OTOF: variants seen among roughly 807,000 people sequenced by gnomAD.
OTOF encodes the protein otoferlin, also known as fer-1-like family member 2.
OTOF carries 218 observed loss-of-function variants against 236.8 expected under a neutral mutation model. That is an observed-to-expected ratio of 0.92 (90% CI 0.82 to 1.03). OTOF has a LOEUF of 1.03. OTOF is among the 50% of genes least tolerant of loss of function. The pLI, the probability that OTOF is intolerant of heterozygous loss-of-function variation, is 0.00. For synonymous variants in OTOF, 1,041 were observed against 1,072.5 expected (o/e 0.97, Z 0.57); for missense variants, 2,590 against 2,694.4 (o/e 0.96, Z 0.86).
Position 26,480,807 on chromosome 2 carries a change from C to T in OTOF, c.1782G>A (p.Glu594=). 1 of 1,612,500 alleles carries T rather than the reference C, an allele frequency of 6.2e-7. No individual in the cohort carries two copies. Among genetic ancestry groups the T allele is most frequent in the Non-Finnish European group, 8.5e-7 (1 of 1,179,868 alleles). Reference sequence around the variant, plus strand: ...TCACCTCCGAGATGGGCGTGGCCTGCTCCACCTGCACCTCTGTGGAGCTGG... The same window carrying T: ...TCACCTCCGAGATGGGCGTGGCCTGTTCCACCTGCACCTCTGTGGAGCTGG... The part of the protein sequence containing the change: ...ELTSSTEVQV[E]QATPISESCA... Residue 594 remains glutamate (E), a synonymous_variant, in exon 15 of 47, where the codon GAG becomes GAA. Coordinates refer to ENST00000272371, the MANE Select transcript of OTOF (RefSeq NM_194248.3).
In OTOF at chr2:26,502,406, T is replaced by C. The variant is rs753405118; in HGVS notation, c.604A>G (p.Met202Val). 4 of 1,613,696 alleles carry C rather than the reference T, an allele frequency of 2.5e-6. No homozygotes were observed. The highest frequency in any genetic ancestry group is 3.3e-5 in the Admixed American group (2 of 59,990). ...QRPDEPAVLE[M>V]EDLDHLAIRL... ...ATGGCCAGATGGTCAAGGTCTTCCA[T>C]CTCCAGCACCGCCGGTTCATCTGGG... Residue 202 changes from methionine (M) to valine (V), a missense_variant, in exon 7 of 47, where the codon ATG becomes GTG. This residue lies in a region of OTOF where 1,379 missense variants were observed against 1,341.6 expected (regional missense o/e 1.03). Transcript: ENST00000272371.
At position 26,464,115 on chromosome 2, in the gene OTOF, G is replaced by A; in HGVS notation, c.4961-9C>T. The A allele has an allele frequency of 6.2e-7, 1 of 1,613,200 alleles. No homozygotes were observed. Among genetic ancestry groups the A allele is most frequent in the East Asian group, 2.2e-5 (1 of 44,884 alleles). ...TGTGGGCTTCCTCTGACCTGTGGGT[G>A]CCGGCGGCTCAGCTGCACACATGGC... is the stretch of plus-strand genomic sequence containing the variant. On this transcript the variant is annotated splice_polypyrimidine_tract_variant and intron_variant, in intron 39 of 46. Transcript: ENST00000272371.
At chr2:26,464,802 T>C in intron 39 of OTOF, 67 bp downstream of exon 39, 1 of 1,480,970 alleles carries the variant, frequency 6.8e-7, no homozygotes, top group East Asian at 2.3e-5. Flanking sequence ...CAGGGAAGTG[T>C]GGGCCCCTCC....
chr2:26,490,740 G>A (rs1665820364), intron 9 of OTOF, among the ~76,000 whole-genome samples: 3 of 152,190 alleles, frequency 2.0e-5, no homozygotes, highest in Admixed American at 6.5e-5. Flanking sequence ...TCCTATGAAT[G>A]TGGAGATATG....
intron 1 of OTOF, among the ~76,000 whole-genome samples, chr2:26,544,410 T>G (rs1478633648): frequency 6.6e-6 from 1 of 152,250 alleles, no homozygotes; most frequent in Non-Finnish European, 1.5e-5. Flanking sequence ...TGTTTTAAAC[T>G]TCATATAAAA....
Position 26,558,682 on chromosome 2 carries a change from C to G in OTOF, c.-111G>C, listed in dbSNP as rs906279602. On this transcript the variant is annotated 5_prime_UTR_variant, in exon 1 of 47. Transcript: ENST00000272371. ...TCTGCCGCTGCCTCCTCCTCCTCCT[C>G]CCGACCCCCCTCCGATGCTGCCCAC... is the stretch of plus-strand genomic sequence containing the variant. The G allele has an allele frequency of 5.5e-6, 5 of 913,130 alleles. No homozygotes were observed. In the African/African-American group the frequency reaches 6.6e-5, roughly 12 times the overall value. The allele number at this position is 913,130 out of a possible 1,614,324, so 56.6% of individuals were successfully genotyped here. A position where few individuals can be genotyped will look rare whatever the true frequency, so the allele number is the denominator to read the frequency against.
Position 26,519,113 on chromosome 2 carries a change from G to A in OTOF, c.228-4C>T, listed in dbSNP as rs1453440712. On this transcript the variant is annotated splice_region_variant and splice_polypyrimidine_tract_variant and intron_variant, in intron 3 of 46. Coordinates refer to ENST00000272371, the MANE Select transcript of OTOF (RefSeq NM_194248.3). ...CATGCGGAAGGTCCCGATGAGCCTG[G>A]GGATGGCAGAGGGGGCACGGTGGTA... 4.4e-6 allele frequency: 7 copies of A among 1,586,726 alleles called. No homozygotes were observed. The highest frequency in any genetic ancestry group is 1.7e-5 in the Admixed American group (1 of 58,394).
At chr2:26,508,592 G>A (rs1200478062) in intron 5 of OTOF, among the ~76,000 whole-genome samples, 3 of 152,234 alleles carry the variant, frequency 2.0e-5, no homozygotes, top group Non-Finnish European at 4.4e-5. Context: ...CCTTTGCAAG[G>A]CTCAAGCAAG....
chr2:26,511,998 C>A (rs1168699648), intron 5 of OTOF, among the ~76,000 whole-genome samples: 1 of 152,196 alleles, frequency 6.6e-6, no homozygotes, highest in Non-Finnish European at 1.5e-5. Flanking sequence ...CCACTGCCCT[C>A]TGGCCCCAGC....
Position 26,457,969 on chromosome 2 carries a change from T to C in OTOF, c.*269A>G, listed in dbSNP as rs955397236. On this transcript the variant is annotated 3_prime_UTR_variant, in exon 47 of 47. Transcript: ENST00000272371. This position sits in a 1 kb window ranked among gnomAD's most constrained non-coding sequence, Gnocchi z 4.4. ...GGCTCCTCAGGCTCCCCAGGGGAGA[T>C]GGGAAAGAGTCCAAGCCACTGAAAG... 3.4e-6 allele frequency: 5 copies of C among 1,466,292 alleles called. No homozygotes were observed. The highest frequency in any genetic ancestry group is 4.7e-6 in the Non-Finnish European group (5 of 1,065,292). 90.8% of individuals were successfully genotyped at this position (1,466,292 alleles called of 1,614,324 possible).
chr2:26,479,876 C>T (rs1254513764), intron 16 of OTOF, among the ~76,000 whole-genome samples: 1 of 152,250 alleles, frequency 6.6e-6, no homozygotes, highest in Non-Finnish European at 1.5e-5. Context: ...AGCCCTGGCC[C>T]AGGCTGTGGC....
In OTOF at chr2:26,475,959, G is replaced by A. The variant is rs1342581566; in HGVS notation, c.2946C>T (p.Asp982=). 1 of 1,612,254 alleles carries A rather than the reference G, an allele frequency of 6.2e-7. No homozygotes were observed. Among genetic ancestry groups the A allele is most frequent in the Non-Finnish European group, 8.5e-7 (1 of 1,179,736 alleles). Residue 982 remains aspartate (D), a synonymous_variant, in exon 24 of 47, where the codon GAC becomes GAT. Coordinates refer to ENST00000272371, the MANE Select transcript of OTOF (RefSeq NM_194248.3). ...LFAADSSGLS[D]PFARVFFINQ... ...TGATGAAGAAGACGCGGGCAAAGGG[G>A]TCTGAGAGTCCGCTGCTGTCGGCGG...
At chr2:26,497,498 G>C (rs1159576424) in intron 8 of OTOF, among the ~76,000 whole-genome samples, 1 of 152,170 alleles carries the variant, frequency 6.6e-6, no homozygotes, top group African/African-American at 2.4e-5. Context: ...GACTTTACTT[G>C]AGAGAATTAT....
chr2:26,457,435 G>T lies in OTOF; in HGVS notation c.*803C>A, dbSNP rs1664242056. 1 of 152,748 alleles carries T rather than the reference G, an allele frequency of 6.5e-6. No homozygotes were observed. 9.5% of individuals were successfully genotyped at this position (152,748 alleles called of 1,614,324 possible). ...AGCTGGGCCTGGAGGCGCTGGCTGG[G>T]GCAGAGGGAGCTCTGGGAAGCCATG... is the stretch of plus-strand genomic sequence containing the variant. On this transcript the variant is annotated 3_prime_UTR_variant, in exon 47 of 47. Transcript: ENST00000272371. This position sits in a 1 kb window ranked among gnomAD's most constrained non-coding sequence, Gnocchi z 4.4.
chr2:26,474,679 C>G lies in OTOF; in HGVS notation c.3127-5G>C, dbSNP rs375186827. On this transcript the variant is annotated splice_region_variant and splice_polypyrimidine_tract_variant and intron_variant, in intron 25 of 46. Coordinates refer to ENST00000272371, the MANE Select transcript of OTOF (RefSeq NM_194248.3). ...GCCCATGAAGTCAGCTTTGCCCTGA[C>G]GCAACAGACAACCCAGAAGCCTCTT... The G allele has an allele frequency of 6.2e-7, 1 of 1,613,204 alleles. No homozygotes were observed. The highest frequency in any genetic ancestry group is 8.5e-7 in the Non-Finnish European group (1 of 1,179,986).
In OTOF at chr2:26,503,803, G is replaced by A; in HGVS notation, c.552C>T (p.Asn184=). Residue 184 remains asparagine (N), a synonymous_variant, in exon 6 of 47, where the codon AAC becomes AAT. Transcript: ENST00000272371. ...TTTGGGGCTCCTCCTTGTGAGACCG[G>A]TTTTTGCCGAGCTTCATGGCGGAGA... ...SVFSAMKLGK[N]RSHKEEPQRP... 1 of 1,614,092 alleles carries A rather than the reference G, an allele frequency of 6.2e-7. No homozygotes were observed. The highest frequency in any genetic ancestry group is 1.1e-5 in the South Asian group (1 of 91,082).
intron 1 of OTOF, among the ~76,000 whole-genome samples, chr2:26,545,861 A>G (rs1024894097): frequency 5.3e-5 from 8 of 152,202 alleles, no homozygotes; most frequent in Admixed American, 5.2e-4. Context: ...CCATTGGTCT[A>G]TATGTCTATT....
At position 26,473,423 on chromosome 2, in the gene OTOF, C is replaced by T. The variant is rs766090648; in HGVS notation, c.3553G>A (p.Val1185Ile). Residue 1185 changes from valine (V) to isoleucine (I), a missense_variant, in exon 28 of 47, where the codon GTC becomes ATC. Physicochemically the swap from Val to Ile is conservative, Grantham distance 29 (BLOSUM62 3). This residue lies in a region of OTOF where 1,211 missense variants were observed against 1,352.8 expected (regional missense o/e 0.90). Coordinates refer to ENST00000272371, the MANE Select transcript of OTOF (RefSeq NM_194248.3). This position sits in a 1 kb window ranked among gnomAD's most constrained non-coding sequence, Gnocchi z 7.2. ...YKKNPNFNTL[V>I]KWFEVDLPEN... Reference sequence around the variant, plus strand: ...GCACTCACCACTTCAAACCACTTGACGAGGGTGTTGAAGTTGGGGTTCTTC... The same window carrying T: ...GCACTCACCACTTCAAACCACTTGATGAGGGTGTTGAAGTTGGGGTTCTTC... 31 of 1,613,348 alleles carry T rather than the reference C, an allele frequency of 1.9e-5. No homozygotes were observed. The highest frequency in any genetic ancestry group is 2.5e-5 in the Non-Finnish European group (29 of 1,180,012).
Position 26,472,629 on chromosome 2 carries a change from G to A in OTOF, c.3754C>T (p.Arg1252Cys), listed in dbSNP as rs551826797. The change falls in exon 30 of 47, where the codon CGT (arginine) becomes TGT (cysteine). Residue 1252 changes from arginine to cysteine, a missense_variant. Physicochemically the swap from Arg to Cys is radical, Grantham distance 180. Coordinates refer to ENST00000272371, the MANE Select transcript of OTOF (RefSeq NM_194248.3). Reference protein sequence around the residue: ...NTTVRLLRRCRVLCNGGSSSH... With the variant: ...NTTVRLLRRCCVLCNGGSSSH... ...GAGGAGCCCCCATTGCACAGCACAC[G>A]GCAGCGCCGGAGAAGCCTGACTGGA... 1.2e-5 allele frequency: 20 copies of A among 1,613,238 alleles called. No homozygotes were observed. The highest frequency in any genetic ancestry group is 1.2e-4 in the South Asian group (11 of 91,062).
Sources: allele counts gnomAD v4.1 joint callset (sites outside exome capture counted in the v4.1 genomes callset), GRCh38; gene constraint gnomAD v4.1.1; regional missense constraint gnomAD v4.1.1; non-coding constraint Gnocchi (gnomAD v3.1); transcripts MANE v1.5; gene names NCBI Gene and HGNC (gene_info 2026-07-23, HGNC 2026-07-21).